The following TARBP1 variants were observed in gnomAD, a reference collection of about 807,000 sequenced individuals.
TARBP1 encodes tRNA guanosine 2 -O-methyltransferase TARBP1.
TARBP1 carries 144 observed loss-of-function variants against 178.6 expected under a neutral mutation model. The observed-to-expected ratio is 0.81, with a 90% CI of 0.70 to 0.93. TARBP1 has a LOEUF of 0.93. Among genes scored for constraint, TARBP1 ranks in the 40% least tolerant of loss-of-function variants. TARBP1 has a pLI of 0.00. For missense variants in TARBP1, 2,067 were observed against 2,011.7 expected (o/e 1.03, Z -0.53); for synonymous variants, 787 against 781.0 (o/e 1.01, Z -0.13).
chr1:234,443,019 A>C (rs1029820102), intron 12 of TARBP1, among the ~76,000 whole-genome samples: 20 of 152,156 alleles, frequency 1.3e-4, no homozygotes, highest in African/African-American at 4.6e-4. Context: ...GGCTGGGCAC[A>C]ATGGCTCATG....
chr1:234,393,214 A>C, intron 28 of TARBP1, 148 bp downstream of exon 28: 1 of 806,628 alleles, frequency 1.2e-6, no homozygotes, highest in Non-Finnish European at 1.7e-6. Context: ...CACTATTATA[A>C]ATTATGCAAA....
intron 28 of TARBP1, among the ~76,000 whole-genome samples, 182 bp downstream of exon 28, chr1:234,393,180 C>T (rs1212804750): frequency 1.3e-5 from 2 of 152,164 alleles, no homozygotes; most frequent in Admixed American, 6.5e-5. Flanking sequence ...TTTTTAAACA[C>T]TGTTCTTAAA....
Position 234,409,953 on chromosome 1 carries a change from T to C in TARBP1, c.3792+492A>G, listed in dbSNP as rs373491919. On this transcript the variant is annotated intron_variant, in intron 23 of 29. Transcript: ENST00000040877. ...TCTGTGTGAGAACTTACAGGGGAAA[T>C]TGTTCTAAACCTGAGGAACATGAAG... 6.0e-4 allele frequency among the ~76,000 whole-genome samples: 91 copies of C among 152,304 alleles called. 6 individuals carry two copies. The highest frequency in any genetic ancestry group is 4.0e-3 in the East Asian group (21 of 5,186).
At chr1:234,413,085 C>T (rs548550038) in intron 22 of TARBP1, among the ~76,000 whole-genome samples, 4 of 152,214 alleles carry the variant, frequency 2.6e-5, no homozygotes, top group Admixed American at 1.3e-4. Flanking sequence ...AGAGTGGGAG[C>T]GATGCCTAGC....
intron 4 of TARBP1, 45 bp downstream of exon 4, chr1:234,467,457 C>T (rs764669721): frequency 8.9e-6 from 13 of 1,465,708 alleles, no homozygotes; most frequent in South Asian, 3.0e-5. Context: ...TTTTACCTCT[C>T]GCCTTTCAAC....
chr1:234,416,783 G>T (rs992330925), intron 22 of TARBP1, among the ~76,000 whole-genome samples: 2 of 152,218 alleles, frequency 1.3e-5, no homozygotes, highest in Non-Finnish European at 2.9e-5. Flanking sequence ...GCCAATTTCA[G>T]GGCCAGATGC....
At position 234,393,754 on chromosome 1, in the gene TARBP1, C is replaced by T. The variant is rs1000110064; in HGVS notation, c.4327G>A (p.Asp1443Asn). The T allele has an allele frequency of 2.5e-6, 4 of 1,613,938 alleles. No homozygotes were observed. The highest frequency in any genetic ancestry group is 1.1e-5 in the South Asian group (1 of 91,064). Residue 1443 changes from aspartate (D) to asparagine (N), a missense_variant, in exon 27 of 30, where the codon GAC (aspartate) becomes AAC (asparagine). Physicochemically the swap from Asp to Asn is conservative, Grantham distance 23. Coordinates refer to ENST00000040877, the MANE Select transcript of TARBP1 (RefSeq NM_005646.4). ...TGAAACAGGAGCTCCAGGTCTAAGT[C>T]GGAAACACGACTGTTCCACGGGATA... ...KIIPWNSRVS[D>N]LDLELLFQDR...
At chr1:234,445,070 T>A (rs1331335769) in intron 12 of TARBP1, among the ~76,000 whole-genome samples, 3 of 152,186 alleles carry the variant, frequency 2.0e-5, no homozygotes, top group African/African-American at 7.2e-5. Flanking sequence ...TGCCCCAAAT[T>A]GCTTCCGTTG....
At chr1:234,428,142 G>A (rs1274170523) in intron 17 of TARBP1, among the ~76,000 whole-genome samples, 2 of 152,216 alleles carry the variant, frequency 1.3e-5, no homozygotes, top group Non-Finnish European at 2.9e-5. Context: ...TGTACTGTGG[G>A]GCAGAAAAGG....
chr1:234,429,966 C>CT lies in TARBP1; in HGVS notation c.2609+120dup, dbSNP rs1664248542. 8 of 1,043,542 alleles carry CT rather than the reference C, an allele frequency of 7.7e-6. No individual in the cohort carries two copies. The South Asian group carries it at 1.2e-4, about 16-fold the overall frequency. 64.6% of individuals were successfully genotyped at this position (1,043,542 alleles called of 1,614,324 possible). A position where few individuals can be genotyped will look rare whatever the true frequency, so the allele number is the denominator to read the frequency against. On this transcript the variant is annotated intron_variant, in intron 15 of 29. Coordinates refer to ENST00000040877, the MANE Select transcript of TARBP1 (RefSeq NM_005646.4). The stretch of plus-strand genomic sequence containing the variant: ...CAGAGATGAATAATGTTATACCACA[C>CT]TTTCATCCTGAATGGAGCTTCAGCC...
rs1393985451 is a variant in TARBP1, at chr1:234,467,431, C to T, written c.1248+71G>A. On this transcript the variant is annotated intron_variant, in intron 4 of 29. Transcript: ENST00000040877. The stretch of plus-strand genomic sequence containing the variant: ...ATCTCCAAAATGTTACTTGCTGATA[C>T]AGAATCCTAGTGTATTTTTACCTCT... The T allele has an allele frequency of 9.7e-6, 13 of 1,345,808 alleles. No homozygotes were observed. The Admixed American group carries it at 3.2e-4, about 33-fold the overall frequency. 83.4% of individuals were successfully genotyped at this position (1,345,808 alleles called of 1,614,324 possible).
In TARBP1 at chr1:234,478,394, G is replaced by T; in HGVS notation, c.710C>A (p.Ala237Asp). The change falls in exon 1 of 30, where the codon GCC (alanine) becomes GAC (aspartate). Residue 237 changes from alanine (A) to aspartate (D), a missense_variant. Transcript: ENST00000040877. The part of the protein sequence containing the change: ...EEKLLVLSAL[A>D]EKLLPEPGGD... ...GCCGGGCTCGGGCAACAGCTTCTCGGCCAGGGCGCTCAGGACCAGCAGCTT... is the reference window on the plus strand; with the variant it reads ...GCCGGGCTCGGGCAACAGCTTCTCGTCCAGGGCGCTCAGGACCAGCAGCTT... The T allele has an allele frequency of 2.2e-6, 3 of 1,355,720 alleles. No individual in the cohort carries two copies. Among genetic ancestry groups the T allele is most frequent in the Non-Finnish European group, 2.9e-6 (3 of 1,049,516 alleles). The allele number at this position is 1,355,720 out of a possible 1,614,324, so 84.0% of individuals were successfully genotyped here. A position where few individuals can be genotyped will look rare whatever the true frequency, so the allele number is the denominator to read the frequency against.
intron 7 of TARBP1, among the ~76,000 whole-genome samples, chr1:234,459,603 G>A (rs1419675900): frequency 6.6e-6 from 1 of 152,110 alleles, no homozygotes; most frequent in African/African-American, 2.4e-5. Context: ...CCTGAGGTCA[G>A]GAGTTTGAGA....
intron 12 of TARBP1, among the ~76,000 whole-genome samples, chr1:234,442,179 A>G (rs139606268): frequency 2.5e-4 from 38 of 152,348 alleles, no homozygotes; most frequent in African/African-American, 8.4e-4. Flanking sequence ...CCTGGGGCTA[A>G]GGCAGAGTTC....
At chr1:234,436,354 T>C (rs1665032336) in intron 13 of TARBP1, among the ~76,000 whole-genome samples, 1 of 152,200 alleles carries the variant, frequency 6.6e-6, no homozygotes, top group Non-Finnish European at 1.5e-5. Context: ...GTTAAATACA[T>C]ACACTGATTC....
chr1:234,410,313 A>AT (rs1661667863), intron 23 of TARBP1, 132 bp downstream of exon 23: 1 of 567,012 alleles, frequency 1.8e-6, no homozygotes, highest in Admixed American at 3.5e-5. Context: ...ACATGTGCAC[A>AT]TTAGCAGGGC....
chr1:234,453,584 A>G (rs1403340817), intron 9 of TARBP1, among the ~76,000 whole-genome samples: 1 of 152,144 alleles, frequency 6.6e-6, no homozygotes, highest in Non-Finnish European at 1.5e-5. Context: ...GGTGAGCTAC[A>G]TGAAAATGCC....
In TARBP1 at chr1:234,429,154, T is replaced by C. The variant is rs1453657380; in HGVS notation, c.3042A>G (p.Ala1014=). The stretch of plus-strand genomic sequence containing the variant: ...TAGTTACCTCTTTTATTTTGAAATA[T>C]GCCTGGCCCTTGATTTTGGCAGCAA... The part of the protein sequence containing the change: ...LTIAAKIKGQ[A]YFKIKEIMYK... The change falls in exon 17 of 30, where the codon GCA becomes GCG. Residue 1014 remains alanine (A), a synonymous_variant. Transcript: ENST00000040877. 3 of 1,581,672 alleles carry C rather than the reference T, an allele frequency of 1.9e-6. No homozygotes were observed. Among genetic ancestry groups the C allele is most frequent in the South Asian group, 1.2e-5 (1 of 84,584 alleles).
At chr1:234,442,122 T>A (rs1665655991) in intron 12 of TARBP1, among the ~76,000 whole-genome samples, 1 of 152,098 alleles carries the variant, frequency 6.6e-6, no homozygotes, top group Non-Finnish European at 1.5e-5. Flanking sequence ...AAAAATATCA[T>A]AAGTCTAAAA....
Sources: allele counts gnomAD v4.1 joint callset (sites outside exome capture counted in the v4.1 genomes callset), GRCh38; gene constraint gnomAD v4.1.1; transcripts MANE v1.5; gene names NCBI Gene and HGNC (gene_info 2026-07-23, HGNC 2026-07-21).